Variants in TAS2R1 observed in about 807,000 individuals in gnomAD.
The protein encoded by TAS2R1 is taste 2 receptor member 1, also known as taste receptor type 2 member 1.
For synonymous variants in TAS2R1, 141 were observed against 134.2 expected (o/e 1.05, Z -0.35); for missense variants, 370 against 353.4 (o/e 1.05, Z -0.38).
chr5:9,844,143 T>G, the TAS2R1 span, among the ~76,000 whole-genome samples: 2 of 152,122 alleles, frequency 1.3e-5, no homozygotes, highest in African/African-American at 4.8e-5. Flanking sequence ...CTACCCACAC[T>G]CAAGGAAAGG....
chr5:9,839,419 CA>C, the TAS2R1 span, among the ~76,000 whole-genome samples: 1 of 152,170 alleles, frequency 6.6e-6, no homozygotes, highest in African/African-American at 2.4e-5. Context: ...TAACGACAAG[CA>C]GATCTCATAA....
chr5:9,719,226 G>A, the TAS2R1 span, among the ~76,000 whole-genome samples: 3 of 151,964 alleles, frequency 2.0e-5, no homozygotes, highest in Non-Finnish European at 2.9e-5. Flanking sequence ...CAAATGATTC[G>A]AAAAAAATTG....
intron 1 of TAS2R1, among the ~76,000 whole-genome samples, chr5:9,688,885 T>C (rs1741178877): frequency 6.6e-6 from 1 of 152,164 alleles, no homozygotes; most frequent in African/African-American, 2.4e-5. Flanking sequence ...GAACCCCTCC[T>C]GTGTTCACAG....
the TAS2R1 span, among the ~76,000 whole-genome samples, chr5:9,848,726 T>TTA: frequency 0.13 from 20,248 of 151,976 alleles, 1,512 homozygotes; most frequent in East Asian, 0.22. Context: ...TATTTGTCAA[T>TTA]TATATATATA....
the TAS2R1 span, among the ~76,000 whole-genome samples, chr5:9,858,043 G>T: frequency 6.6e-6 from 1 of 152,032 alleles, no homozygotes; most frequent in Non-Finnish European, 1.5e-5. Flanking sequence ...AGTGCTGGGG[G>T]TGGTCTGGAG....
chr5:9,639,982 T>C (rs1217996165), intron 2 of TAS2R1, among the ~76,000 whole-genome samples: 1 of 152,182 alleles, frequency 6.6e-6, no homozygotes, highest in Non-Finnish European at 1.5e-5. Flanking sequence ...CACTTTTAAT[T>C]TTCTTCAAAC....
At chr5:9,873,236 C>T in the TAS2R1 span, among the ~76,000 whole-genome samples, 1 of 152,116 alleles carries the variant, frequency 6.6e-6, no homozygotes. Flanking sequence ...CCTGGCTTCT[C>T]TCGGTAGGAT....
the TAS2R1 span, among the ~76,000 whole-genome samples, chr5:9,860,208 A>G: frequency 6.6e-6 from 1 of 152,258 alleles, no homozygotes; most frequent in Non-Finnish European, 1.5e-5. Flanking sequence ...ACAGGTGTCA[A>G]TGCTTGTTAT....
chr5:9,630,334 T>C lies in TAS2R1; in HGVS notation c.-302A>G, dbSNP rs1296714212. 4.6e-6 allele frequency: 1 copy of C among 217,194 alleles called. No homozygotes were observed. The highest frequency in any genetic ancestry group is 2.3e-5 in the African/African-American group (1 of 43,272). The allele number at this position is 217,194 out of a possible 1,614,324, so 13.5% of individuals were successfully genotyped here. A position where few individuals can be genotyped will look rare whatever the true frequency, so the allele number is the denominator to read the frequency against. On this transcript the variant is annotated 5_prime_UTR_variant, in exon 1 of 1. Transcript: ENST00000382492. ...CAGGCAAATAATGGAATCAGACACC[T>C]TCAGACAGCTGGGAGAACAGCTCCT...
chr5:9,754,668 T>C, the TAS2R1 span, among the ~76,000 whole-genome samples: 45 of 152,266 alleles, frequency 3.0e-4, no homozygotes, highest in Non-Finnish European at 1.2e-4. Flanking sequence ...ATAAAATACC[T>C]TGGAATCCAA....
At chr5:9,656,590 A>G (rs1398486142) in intron 2 of TAS2R1, among the ~76,000 whole-genome samples, 1 of 152,202 alleles carries the variant, frequency 6.6e-6, no homozygotes, top group Non-Finnish European at 1.5e-5. Flanking sequence ...AGAAAATTGC[A>G]TGAGGCCCAG....
At chr5:9,715,625 T>C (rs1305133763), upstream of TAS2R1, among the ~76,000 whole-genome samples, 3 of 152,332 alleles carry the variant, frequency 2.0e-5, 1 homozygote, top group Admixed American at 2.0e-4. Flanking sequence ...ACTTGTCCTC[T>C]TTCCTCCAGT....
At chr5:9,881,645 G>A in the TAS2R1 span, among the ~76,000 whole-genome samples, 3 of 152,106 alleles carry the variant, frequency 2.0e-5, no homozygotes, top group Non-Finnish European at 4.4e-5. Context: ...GTATGGTACT[G>A]GTACAAAAAT....
the TAS2R1 span, among the ~76,000 whole-genome samples, chr5:9,739,469 T>C: frequency 6.6e-6 from 1 of 152,152 alleles, no homozygotes; most frequent in African/African-American, 2.4e-5. Flanking sequence ...AACTGGGAAT[T>C]AATGAATAAC....
chr5:9,677,306 A>G (rs531974647), intron 1 of TAS2R1, among the ~76,000 whole-genome samples: 169 of 152,270 alleles, frequency 1.1e-3, no homozygotes, highest in African/African-American at 4.0e-3. Flanking sequence ...ACTAAGGGGT[A>G]CTGGCTTAAT....
At chr5:9,870,243 C>T in the TAS2R1 span, 1 of 152,294 alleles carries the variant, frequency 6.6e-6, no homozygotes, top group African/African-American at 2.4e-5. Context: ...AAAGGATTCA[C>T]ACATTTACAG....
At chr5:9,757,978 C>T in the TAS2R1 span, among the ~76,000 whole-genome samples, 1 of 151,634 alleles carries the variant, frequency 6.6e-6, no homozygotes, top group East Asian at 1.9e-4. Context: ...AATTTTGAAA[C>T]CATGATTATT....
chr5:9,756,071 G>A, the TAS2R1 span, among the ~76,000 whole-genome samples: 1 of 152,218 alleles, frequency 6.6e-6, no homozygotes, highest in Non-Finnish European at 1.5e-5. Flanking sequence ...AAATGGAGTT[G>A]CTCTGGTTCA....
chr5:9,769,765 AT>A, the TAS2R1 span, among the ~76,000 whole-genome samples: 4 of 152,020 alleles, frequency 2.6e-5, no homozygotes, highest in East Asian at 1.9e-4. Context: ...GGATTGTTAG[AT>A]TTTTTTTGTA....
Sources: gnomAD v4.1 joint callset for allele counts (sites outside exome capture counted in the v4.1 genomes callset) on GRCh38, gnomAD v4.1.1 for gene constraint, MANE v1.5 for transcripts, NCBI Gene and HGNC (gene_info 2026-07-23, HGNC 2026-07-21) for gene names.